BAIAP2: variants seen among roughly 807,000 people sequenced by gnomAD.
The protein encoded by BAIAP2 is BAR/IMD domain-containing adapter protein 2.
A neutral mutation model predicts 63.0 loss-of-function variants in BAIAP2; 18 were observed. That is an observed-to-expected ratio of 0.29 (90% confidence interval 0.20 to 0.42). BAIAP2 has a LOEUF of 0.42. BAIAP2 is among the 10% of genes least tolerant of loss of function. The pLI, the probability that BAIAP2 is intolerant of heterozygous loss-of-function variation, is 1.00. For missense variants in BAIAP2, 610 were observed against 734.3 expected (o/e 0.83, Z 1.96); for synonymous variants, 386 against 307.6 (o/e 1.25, Z -2.67).
intron 6 of BAIAP2, among the ~76,000 whole-genome samples, chr17:81,095,935 G>C (rs986495913): frequency 6.6e-6 from 1 of 152,152 alleles, no homozygotes; most frequent in Non-Finnish European, 1.5e-5. Context: ...CTGGGGAACT[G>C]AGCATGAGCG....
chr17:81,036,628 C>T (rs775203712), intron 1 of BAIAP2, among the ~76,000 whole-genome samples: 4 of 152,200 alleles, frequency 2.6e-5, no homozygotes, highest in Non-Finnish European at 4.4e-5. Context: ...GGCGGGTGTG[C>T]GGTCGACTAG....
rs892412682 is a variant in BAIAP2 at position 81,091,100 on chromosome 17, C to T, written c.489+4520C>T. 5.6e-4 allele frequency among the ~76,000 whole-genome samples: 70 copies of T among 125,526 alleles called. 1 individual carries two copies. In the Admixed American group the frequency reaches 7.0e-3, roughly 13 times the overall value. The allele number at this position is 125,526 out of a possible 152,430, so 82.3% of individuals were successfully genotyped here. A position where few individuals can be genotyped will look rare whatever the true frequency, so the allele number is the denominator to read the frequency against. ...CTTGTGTGCCCCGACTTGTGTGGTG[C>T]AGGAGGCCCTGCCCTTGCTTGTGTG... is the stretch of plus-strand genomic sequence containing the variant. On this transcript the variant is annotated intron_variant, in intron 6 of 13. Transcript: ENST00000428708.
chr17:81,076,209 T>G (rs1192767790), intron 3 of BAIAP2: 2 of 152,262 alleles, frequency 1.3e-5, no homozygotes, highest in Admixed American at 6.5e-5. Context: ...TAACTCATTT[T>G]AAGCTTAACC....
At position 81,046,915 on chromosome 17, in the gene BAIAP2, G is replaced by A. The variant is rs1300894187; in HGVS notation, c.55-6753G>A. Reference sequence around the variant, plus strand: ...GTGGCTGTGGTGGCACAGCGGGCTGGGGGAAGCCCCTCTGGCACTGCCGGC... The same window carrying A: ...GTGGCTGTGGTGGCACAGCGGGCTGAGGGAAGCCCCTCTGGCACTGCCGGC... On this transcript the variant is annotated intron_variant, in intron 1 of 13. Transcript: ENST00000428708. The surrounding 1 kb of genome is among the most constrained non-coding windows in gnomAD (Gnocchi z 4.5). Among the ~76,000 whole-genome samples the A allele has an allele frequency of 6.6e-6, 1 of 152,248 alleles. No homozygotes were observed. Among genetic ancestry groups the A allele is most frequent in the East Asian group, 1.9e-4 (1 of 5,198 alleles).
intron 3 of BAIAP2, among the ~76,000 whole-genome samples, chr17:81,080,582 G>A (rs1161140156): frequency 6.6e-6 from 1 of 152,190 alleles, no homozygotes; most frequent in African/African-American, 2.4e-5. Context: ...TTTCTTTTTG[G>A]ATTCAGCAGT....
intron 3 of BAIAP2, among the ~76,000 whole-genome samples, chr17:81,075,907 CTG>C (rs1311644799): frequency 1.3e-5 from 2 of 151,230 alleles, no homozygotes; most frequent in East Asian, 1.9e-4. Flanking sequence ...CTGCCAGGGT[CTG>C]TGTATACTTT....
chr17:81,044,140 C>T (rs11658828), intron 1 of BAIAP2, among the ~76,000 whole-genome samples: 111,070 of 152,080 alleles, frequency 0.73, 40,794 homozygotes, highest in Middle Eastern at 0.8. Flanking sequence ...CTGAGGTTGG[C>T]GGGAGGTGGG....
intron 13 of BAIAP2, among the ~76,000 whole-genome samples, chr17:81,111,901 TC>T (rs2059970035): frequency 6.6e-6 from 1 of 152,248 alleles, no homozygotes; most frequent in South Asian, 2.1e-4. Context: ...AGGACGTTGG[TC>T]CCTGTGTCTC....
intron 8 of BAIAP2, 87 bp downstream of exon 8, chr17:81,103,810 C>A: frequency 6.3e-7 from 1 of 1,587,770 alleles, no homozygotes; most frequent in Non-Finnish European, 8.6e-7. Context: ...GGTGCAGAGT[C>A]CAGGGGCCCC....
At chr17:81,055,626 C>T (rs938705608) in intron 2 of BAIAP2, among the ~76,000 whole-genome samples, 9 of 134,592 alleles carry the variant, frequency 6.7e-5, no homozygotes, top group African/African-American at 1.4e-4. Context: ...ACTGCAGTGG[C>T]GCTATCTTGG....
In BAIAP2 at chr17:81,106,151, G is replaced by A. The variant is rs1243036229; in HGVS notation, c.1337+5G>A. ...CAGTGACAGGCTGCACATGAGGTGA[G>A]CTCTGGGCCCAACGGGAGTGTAAGA... is the stretch of plus-strand genomic sequence containing the variant. On this transcript the variant is annotated splice_donor_5th_base_variant and intron_variant, in intron 11 of 13. Coordinates refer to ENST00000428708, the MANE Select transcript of BAIAP2 (RefSeq NM_001144888.2). 2.5e-6 allele frequency: 4 copies of A among 1,576,042 alleles called. No homozygotes were observed. Among genetic ancestry groups the A allele is most frequent in the Non-Finnish European group, 2.6e-6 (3 of 1,160,656 alleles).
At chr17:81,106,312 G>GGT (rs1186992063) in intron 11 of BAIAP2, among the ~76,000 whole-genome samples, 166 bp downstream of exon 11, 8 of 152,204 alleles carry the variant, frequency 5.3e-5, no homozygotes, top group Non-Finnish European at 1.0e-4. Context: ...AGGCCTTCAG[G>GGT]GTGGAGGCAT....
Position 81,116,372 on chromosome 17 carries a change from T to TC in BAIAP2, c.*537dup. On this transcript the variant is annotated 3_prime_UTR_variant, in exon 14 of 14. Transcript: ENST00000428708. ...CACCTGGAGTGTGGGGCCTGGTCCC[T>TC]CCCCATGCCCCTCGGTGGGGCTCTC... 1.3e-6 allele frequency: 2 copies of TC among 1,584,070 alleles called. No homozygotes were observed. The highest frequency in any genetic ancestry group is 1.7e-6 in the Non-Finnish European group (2 of 1,160,282).
Position 81,073,477 on chromosome 17 carries a change from C to T in BAIAP2, c.218-11355C>T, listed in dbSNP as rs543172279. 2.6e-5 allele frequency among the ~76,000 whole-genome samples: 4 copies of T among 152,312 alleles called. No individual in the cohort carries two copies. The South Asian group carries it at 8.3e-4, about 32-fold the overall frequency. Reference sequence around the variant, plus strand: ...AGAAATGATCTTTTAACTGACTAAGCAGAGTGTTAACTGAAATCATCATGA... The same window carrying T: ...AGAAATGATCTTTTAACTGACTAAGTAGAGTGTTAACTGAAATCATCATGA... On this transcript the variant is annotated intron_variant, in intron 3 of 13. Transcript: ENST00000428708.
chr17:81,068,567 C>T (rs1380708379), intron 3 of BAIAP2, among the ~76,000 whole-genome samples: 1 of 152,210 alleles, frequency 6.6e-6, no homozygotes, highest in Non-Finnish European at 1.5e-5. Context: ...AAGCCCACGA[C>T]CCAAGGACCC....
intron 1 of BAIAP2, among the ~76,000 whole-genome samples, chr17:81,048,197 C>T (rs2048115444): frequency 1.3e-5 from 2 of 151,998 alleles, no homozygotes; most frequent in Non-Finnish European, 2.9e-5. Flanking sequence ...CTAGCCTGGC[C>T]AACATGGTGA....
intron 13 of BAIAP2, chr17:81,109,397 A>C (rs1421371832): frequency 1.0e-6 from 1 of 960,482 alleles, no homozygotes; most frequent in African/African-American, 2.0e-5. Context: ...AAAAAAAAAG[A>C]AAAAAAGAAA....
chr17:81,086,781 C>T (rs1448957389), intron 6 of BAIAP2, among the ~76,000 whole-genome samples: 2 of 152,250 alleles, frequency 1.3e-5, no homozygotes, highest in Non-Finnish European at 2.9e-5. Context: ...CTGTGGGGCT[C>T]TGTCCTGCTC....
intron 13 of BAIAP2, among the ~76,000 whole-genome samples, 178 bp from the exon 14 acceptor site, chr17:81,115,592 A>C (rs1370228806): frequency 6.6e-6 from 1 of 152,178 alleles, no homozygotes; most frequent in Admixed American, 6.5e-5. Flanking sequence ...AGCCTTGCAG[A>C]CAGCGCCTGG....
Sources: allele counts gnomAD v4.1 joint callset (sites outside exome capture counted in the v4.1 genomes callset), GRCh38; gene constraint gnomAD v4.1.1; non-coding constraint Gnocchi (gnomAD v3.1); transcripts MANE v1.5; gene names NCBI Gene and HGNC (gene_info 2026-07-23, HGNC 2026-07-21).